Variants in CEP85L observed in about 807,000 individuals in gnomAD.
CEP85L encodes centrosomal protein 85L, also known as centrosomal protein of 85 kDa-like.
In CEP85L, 60 loss-of-function variants were observed where a neutral mutation model predicts 100.3. The ratio of observed to expected loss-of-function variants is 0.60; its 90% CI spans 0.49 to 0.74. CEP85L has a LOEUF of 0.74. Ranked by LOEUF, CEP85L falls within the 30% of genes least tolerant of loss-of-function variation. The pLI, the probability that CEP85L is intolerant of heterozygous loss-of-function variation, is 0.00. For missense variants in CEP85L, 973 were observed against 936.2 expected (o/e 1.04, Z -0.51); for synonymous variants, 319 against 322.7 (o/e 0.99, Z 0.12).
intron 1 of CEP85L, among the ~76,000 whole-genome samples, chr6:118,680,959 T>A (rs1050897409): frequency 6.6e-6 from 1 of 152,166 alleles, no homozygotes; most frequent in African/African-American, 2.4e-5. Flanking sequence ...AGGAGGAGTT[T>A]ACTGCTGCGC....
At position 118,600,361 on chromosome 6, in the gene CEP85L, GTGTGTGTGT is replaced by G. The variant is rs1562298098; in HGVS notation, c.232+32083_232+32091del. 5.3e-4 allele frequency among the ~76,000 whole-genome samples: 73 copies of G among 137,588 alleles called. 7 individuals are homozygous for G. The highest frequency in any genetic ancestry group is 3.8e-3 in the Middle Eastern group (1 of 260). 90.3% of individuals were successfully genotyped at this position (137,588 alleles called of 152,430 possible). On this transcript the variant is annotated intron_variant, in intron 2 of 12. Coordinates refer to ENST00000368491, the MANE Select transcript of CEP85L (RefSeq NM_001042475.3). ...TGTGTGTGTGTGTGTGTGTGTGTGT[GTGTGTGTGT>G]AACGCCATGGAGCAATCTCAGCTCA... is the stretch of plus-strand genomic sequence containing the variant.
intron 1 of CEP85L, among the ~76,000 whole-genome samples, chr6:118,645,329 T>C (rs932590736): frequency 2.0e-5 from 3 of 152,168 alleles, no homozygotes; most frequent in South Asian, 4.1e-4. Flanking sequence ...TACTTAACAC[T>C]AGCTGCATCA....
intron 1 of CEP85L, among the ~76,000 whole-genome samples, chr6:118,704,632 G>T (rs535263896): frequency 6.6e-6 from 1 of 152,020 alleles, no homozygotes; most frequent in African/African-American, 2.4e-5. Flanking sequence ...CACCATGCCC[G>T]GCTAATTTTT....
At chr6:118,478,757 T>C (rs1193451008) in intron 10 of CEP85L, among the ~76,000 whole-genome samples, 1 of 152,150 alleles carries the variant, frequency 6.6e-6, no homozygotes, top group Non-Finnish European at 1.5e-5. Context: ...CATTTATGTA[T>C]GGTCATGACA....
rs565473674 is a variant in CEP85L, at chr6:118,578,848, G to C, written c.233-12532C>G. ...CTTGCTGAGAAAACTTTTTGCCTGA[G>C]TGCTAGTTCTTCTTTGCGGCACCGA... On this transcript the variant is annotated intron_variant, in intron 2 of 12. Transcript: ENST00000368491. Among the ~76,000 whole-genome samples, 203 of 152,310 alleles carry C rather than the reference G, an allele frequency of 1.3e-3. 1 individual carries two copies. The Middle Eastern group carries it at 0.017, about 13-fold the overall frequency.
intron 1 of CEP85L, among the ~76,000 whole-genome samples, chr6:118,695,063 C>G (rs1473301932): frequency 6.6e-6 from 1 of 152,186 alleles, no homozygotes; most frequent in Non-Finnish European, 1.5e-5. Flanking sequence ...CTCTTTCCTT[C>G]TAATCATTAG....
At chr6:118,578,123 T>C (rs1780349438) in intron 2 of CEP85L, among the ~76,000 whole-genome samples, 1 of 152,222 alleles carries the variant, frequency 6.6e-6, no homozygotes, top group Non-Finnish European at 1.5e-5. Flanking sequence ...CTTGGTCTCT[T>C]GCTCTGTACA....
At chr6:118,541,538 A>G (rs1777903309) in intron 3 of CEP85L, among the ~76,000 whole-genome samples, 1 of 152,198 alleles carries the variant, frequency 6.6e-6, no homozygotes, top group Non-Finnish European at 1.5e-5. Context: ...GTATCTGCTG[A>G]AAAATCAAGG....
At chr6:118,624,584 C>T (rs1383882857) in intron 2 of CEP85L, among the ~76,000 whole-genome samples, 2 of 152,124 alleles carry the variant, frequency 1.3e-5, no homozygotes, top group East Asian at 1.9e-4. Flanking sequence ...TAGTCTACTT[C>T]GAAAGGATAT....
intron 2 of CEP85L, among the ~76,000 whole-genome samples, chr6:118,587,261 C>G (rs1002716820): frequency 2.0e-5 from 3 of 152,222 alleles, no homozygotes; most frequent in African/African-American, 4.8e-5. Context: ...AATTGGGTGA[C>G]TAACTCTTCC....
chr6:118,545,346 T>C (rs760428836), intron 3 of CEP85L, among the ~76,000 whole-genome samples: 7 of 152,148 alleles, frequency 4.6e-5, no homozygotes, highest in Non-Finnish European at 7.4e-5. Flanking sequence ...TCCCAGCACT[T>C]TGGGAGGCCG....
intron 1 of CEP85L, among the ~76,000 whole-genome samples, chr6:118,643,884 C>T (rs184135866): frequency 6.6e-6 from 1 of 152,208 alleles, no homozygotes; most frequent in South Asian, 2.1e-4. Flanking sequence ...CTGGTCAAGA[C>T]TTGGCCACTG....
chr6:118,623,861 C>T (rs1562318282), intron 2 of CEP85L, among the ~76,000 whole-genome samples: 1 of 152,208 alleles, frequency 6.6e-6, no homozygotes, highest in African/African-American at 2.4e-5. Flanking sequence ...CTGTTCCAAC[C>T]AGAAGATCTA....
At chr6:118,502,610 C>A in intron 5 of CEP85L, 2 of 480,498 alleles carry the variant, frequency 4.2e-6, no homozygotes, top group South Asian at 2.1e-5. Context: ...CTTGAAGAAG[C>A]TGAAGTATTC....
intron 2 of CEP85L, among the ~76,000 whole-genome samples, chr6:118,610,135 T>C (rs1470884328): frequency 6.6e-6 from 1 of 152,106 alleles, no homozygotes; most frequent in Non-Finnish European, 1.5e-5. Context: ...AATTTAGAGA[T>C]TTTTTTAAAA....
At chr6:118,648,557 C>T (rs1476843693) in intron 1 of CEP85L, among the ~76,000 whole-genome samples, 1 of 151,856 alleles carries the variant, frequency 6.6e-6, no homozygotes, top group Non-Finnish European at 1.5e-5. Flanking sequence ...CTGGGTAACA[C>T]GGTGAAACCC....
intron 3 of CEP85L, among the ~76,000 whole-genome samples, chr6:118,552,151 C>G (rs1159189244): frequency 1.3e-5 from 2 of 151,780 alleles, no homozygotes; most frequent in African/African-American, 2.4e-5. Context: ...TACTTGAATT[C>G]AATTTAATAA....
chr6:118,502,831 G>T, intron 5 of CEP85L: 1 of 627,578 alleles, frequency 1.6e-6, no homozygotes, highest in Non-Finnish European at 3.0e-6. Flanking sequence ...AAAAAGCAAT[G>T]GGGATTTCCA....
At chr6:118,502,644 C>A (rs1012074991) in intron 5 of CEP85L, 4 of 467,646 alleles carry the variant, frequency 8.6e-6, no homozygotes. Context: ...ATGAGACCAA[C>A]AAATTGCTCA....
Sources: gnomAD v4.1 joint callset for allele counts (sites outside exome capture counted in the v4.1 genomes callset) on GRCh38, gnomAD v4.1.1 for gene constraint, MANE v1.5 for transcripts, NCBI Gene and HGNC (gene_info 2026-07-23, HGNC 2026-07-21) for gene names.